The following SPATA18 variants were observed in gnomAD, a reference collection of about 807,000 sequenced individuals.
SPATA18 encodes the protein mitochondria-eating protein.
Under a neutral mutation model 68.1 loss-of-function variants are expected in SPATA18, and 54 were observed. The ratio of observed to expected loss-of-function variants is 0.79; its 90% CI spans 0.64 to 0.99. The LOEUF (loss-of-function observed/expected upper bound fraction) is 0.99. SPATA18 is among the 50% of genes least tolerant of loss of function. SPATA18 has a pLI of 0.00. For missense variants in SPATA18, 724 were observed against 681.1 expected (o/e 1.06, Z -0.70); for synonymous variants, 242 against 244.8 (o/e 0.99, Z 0.11).
At chr4:52,080,494 T>TA (rs1392750766) in intron 9 of SPATA18, among the ~76,000 whole-genome samples, 1 of 152,168 alleles carries the variant, frequency 6.6e-6, no homozygotes, top group Non-Finnish European at 1.5e-5. Flanking sequence ...TAAATTAAAA[T>TA]ACATTAAACT....
chr4:52,086,625 A>G (rs1320038232), intron 11 of SPATA18, among the ~76,000 whole-genome samples: 1 of 152,178 alleles, frequency 6.6e-6, no homozygotes, highest in African/African-American at 2.4e-5. Context: ...ATAGTATTCC[A>G]TGGTGTATAT....
In SPATA18 at chr4:52,096,844, G is replaced by T. The variant is rs1742469376; in HGVS notation, c.*1957G>T. Reference sequence around the variant, plus strand: ...AAATTCAAGTGTTTATTAAAACTATGCAACAGTTACTGTGTGTTATACGTT... The same window carrying T: ...AAATTCAAGTGTTTATTAAAACTATTCAACAGTTACTGTGTGTTATACGTT... On this transcript the variant is annotated 3_prime_UTR_variant, in exon 13 of 13. Transcript: ENST00000295213. The T allele has an allele frequency of 6.6e-6, 1 of 151,920 alleles. No homozygotes were observed. Among genetic ancestry groups the T allele is most frequent in the Non-Finnish European group, 1.5e-5 (1 of 67,994 alleles). The allele number at this position is 151,920 out of a possible 1,614,324, so 9.4% of individuals were successfully genotyped here. A position where few individuals can be genotyped will look rare whatever the true frequency, so the allele number is the denominator to read the frequency against.
At chr4:52,068,825 A>G (rs1233317086) in intron 4 of SPATA18, among the ~76,000 whole-genome samples, 1 of 152,086 alleles carries the variant, frequency 6.6e-6, no homozygotes, top group Non-Finnish European at 1.5e-5. Context: ...GGGCAACTTC[A>G]TTGAGGACCA....
chr4:52,074,011 G>A (rs1045780374), intron 6 of SPATA18, among the ~76,000 whole-genome samples: 1 of 152,176 alleles, frequency 6.6e-6, no homozygotes, highest in Admixed American at 6.5e-5. Flanking sequence ...GCCAGTATTT[G>A]CCAGTATTTC....
rs185618768 is a variant in SPATA18 at position 52,057,026 on chromosome 4, C to T, written c.88-3393C>T. 7.2e-5 allele frequency among the ~76,000 whole-genome samples: 11 copies of T among 152,164 alleles called. No individual in the cohort carries two copies. The East Asian group carries it at 2.1e-3, about 29-fold the overall frequency. On this transcript the variant is annotated intron_variant, in intron 1 of 12. Coordinates refer to ENST00000295213, the MANE Select transcript of SPATA18 (RefSeq NM_145263.4). The stretch of plus-strand genomic sequence containing the variant: ...CTCTTGAAATGCCCTTCCCTCTTAC[C>T]CTTCACACCTCACCAGAGGTTATTT...
At chr4:52,094,840 A>T (rs1742295186) in intron 12 of SPATA18, 40 bp from the exon 13 acceptor site, 6 of 1,613,454 alleles carry the variant, frequency 3.7e-6, no homozygotes, top group Non-Finnish European at 5.1e-6. Context: ...AAAATCGAAG[A>T]AAGTGACCAT....
At chr4:52,070,994 C>T (rs1170742853) in intron 5 of SPATA18, among the ~76,000 whole-genome samples, 1 of 151,956 alleles carries the variant, frequency 6.6e-6, no homozygotes, top group Non-Finnish European at 1.5e-5. Flanking sequence ...TAACTAGGAA[C>T]ACTGTTCTAT....
At chr4:52,063,720 C>G (rs1739082892) in intron 4 of SPATA18, among the ~76,000 whole-genome samples, 1 of 152,130 alleles carries the variant, frequency 6.6e-6, no homozygotes, top group Admixed American at 6.5e-5. Flanking sequence ...TGCTTGTATA[C>G]TCTCCTGGTG....
At chr4:52,094,677 C>A in intron 12 of SPATA18, 105 bp downstream of exon 12, 1 of 1,328,172 alleles carries the variant, frequency 7.5e-7, no homozygotes, top group Admixed American at 1.8e-5. Context: ...TAGAGAGCAT[C>A]TTTTTCTTAC....
chr4:52,059,677 T>A (rs1357548450), intron 1 of SPATA18, among the ~76,000 whole-genome samples: 3 of 152,224 alleles, frequency 2.0e-5, no homozygotes, highest in African/African-American at 4.8e-5. Flanking sequence ...AGGTAAGACT[T>A]ATTATTCCGC....
In SPATA18 at chr4:52,094,851, A is replaced by G. The variant is rs569794195; in HGVS notation, c.1610-29A>G. ...AAAGAAAATCGAAGAAAGTGACCATAATAATGAACTGTCTATTTTTCTCCC... is the reference window on the plus strand; with the variant it reads ...AAAGAAAATCGAAGAAAGTGACCATGATAATGAACTGTCTATTTTTCTCCC... On this transcript the variant is annotated intron_variant, in intron 12 of 12. Transcript: ENST00000295213. 40 of 1,613,858 alleles carry G rather than the reference A, an allele frequency of 2.5e-5. No individual in the cohort carries two copies. The South Asian group carries it at 3.7e-4, about 15-fold the overall frequency.
At chr4:52,083,321 A>G (rs1486946912) in intron 10 of SPATA18, 4 of 985,288 alleles carry the variant, frequency 4.1e-6, no homozygotes, top group Non-Finnish European at 4.8e-6. Context: ...GAATAGGGGA[A>G]GTGTTTTATG....
Position 52,076,798 on chromosome 4 carries a change from C to T in SPATA18, c.778C>T (p.Pro260Ser), listed in dbSNP as rs73815293. 7.7e-5 allele frequency: 125 copies of T among 1,613,944 alleles called. No individual in the cohort carries two copies. In the African/African-American group the frequency reaches 1.5e-3, roughly 19 times the overall value. The change falls in exon 7 of 13, where the codon CCC becomes TCC. Residue 260 changes from proline (P) to serine (S), a missense_variant. Coordinates refer to ENST00000295213, the MANE Select transcript of SPATA18 (RefSeq NM_145263.4). ...CAACAGGTCCTCCAGGAGCCGGTCT[C>T]CCAGCCCTGCCCCTCGCAGCCGTAG... ...LQGRSSRSRS[P>S]SPAPRSRSCS...
At chr4:52,082,583 A>G (rs538025418) in intron 10 of SPATA18, 73 bp downstream of exon 10, 8 of 1,612,542 alleles carry the variant, frequency 5.0e-6, no homozygotes, top group African/African-American at 4.0e-5. Flanking sequence ...TTATAAACCC[A>G]GAGATTCTAT....
At chr4:52,063,685 C>A (rs1216419323) in intron 4 of SPATA18, among the ~76,000 whole-genome samples, 1 of 152,124 alleles carries the variant, frequency 6.6e-6, no homozygotes, top group Non-Finnish European at 1.5e-5. Context: ...GGTCTCCCTT[C>A]CCCTCATCCT....
chr4:52,067,377 G>A (rs962597013), intron 4 of SPATA18, among the ~76,000 whole-genome samples: 1 of 151,964 alleles, frequency 6.6e-6, no homozygotes, highest in Admixed American at 6.5e-5. Context: ...GTTTGTTTAA[G>A]TATTCTCTTC....
In SPATA18 at chr4:52,072,259, A is replaced by G. The variant is rs1739928980; in HGVS notation, c.758+103A>G. The G allele has an allele frequency of 4.0e-6, 6 of 1,502,254 alleles. No individual in the cohort carries two copies. The Admixed American group carries it at 1.3e-4, about 33-fold the overall frequency. 93.1% of individuals were successfully genotyped at this position (1,502,254 alleles called of 1,614,324 possible). A position where few individuals can be genotyped will look rare whatever the true frequency, so the allele number is the denominator to read the frequency against. On this transcript the variant is annotated intron_variant, in intron 6 of 12. Coordinates refer to ENST00000295213, the MANE Select transcript of SPATA18 (RefSeq NM_145263.4). ...AAATGATAAAATGATACCCTGAACC[A>G]AAACCTCAGCAATCTGCCAAGCTTT...
chr4:52,062,438 C>A, intron 4 of SPATA18, 106 bp downstream of exon 4: 1 of 721,460 alleles, frequency 1.4e-6, no homozygotes, highest in South Asian at 1.7e-5. Flanking sequence ...TGGGCATTTG[C>A]AAATAAGTAA....
intron 11 of SPATA18, among the ~76,000 whole-genome samples, chr4:52,086,219 A>C (rs1385770780): frequency 6.6e-6 from 1 of 152,170 alleles, no homozygotes; most frequent in African/African-American, 2.4e-5. Flanking sequence ...AACAAAAACA[A>C]AACCAAAAAC....
Sources: gnomAD v4.1 joint callset for allele counts (sites outside exome capture counted in the v4.1 genomes callset) on GRCh38, gnomAD v4.1.1 for gene constraint, MANE v1.5 for transcripts, NCBI Gene and HGNC (gene_info 2026-07-23, HGNC 2026-07-21) for gene names.